Variants in CERS2 observed in about 807,000 individuals in gnomAD.
CERS2 encodes the protein LAG1 homolog, ceramide synthase 2.
Under a neutral mutation model 56.6 loss-of-function variants are expected in CERS2, and 20 were observed. The observed-to-expected ratio is 0.35, with a 90% confidence interval of 0.25 to 0.51. CERS2 has a LOEUF of 0.51. Among genes scored for constraint, CERS2 ranks in the 20% least tolerant of loss-of-function variants. The pLI, the probability that CERS2 is intolerant of heterozygous loss-of-function variation, is 0.96. For missense variants in CERS2, 361 were observed against 488.6 expected (o/e 0.74, Z 2.46); for synonymous variants, 187 against 175.4 (o/e 1.07, Z -0.52).
rs1671092436 is a variant in CERS2, at chr1:150,968,583, ACCCTGG to A, written c.174-77_174-72del. ...AAGGGCTGCAAGCTAAGGCAACTTT[ACCCTGG>A]CCTCAGTTTCCCCAGCTTCCTGGCA... is the stretch of plus-strand genomic sequence containing the variant. On this transcript the variant is annotated intron_variant, in intron 2 of 10. Coordinates refer to ENST00000368954, the MANE Select transcript of CERS2 (RefSeq NM_022075.5). 20 of 1,235,998 alleles carry A rather than the reference ACCCTGG, an allele frequency of 1.6e-5. No homozygotes were observed. The South Asian group carries it at 2.3e-4, about 14-fold the overall frequency. 76.6% of individuals were successfully genotyped at this position (1,235,998 alleles called of 1,614,324 possible). A position where few individuals can be genotyped will look rare whatever the true frequency, so the allele number is the denominator to read the frequency against.
chr1:150,970,931 A>G (rs587696766), intron 1 of CERS2, among the ~76,000 whole-genome samples: 48 of 152,320 alleles, frequency 3.2e-4, no homozygotes, highest in Non-Finnish European at 5.9e-4. Context: ...CCCCCAACTG[A>G]AAGACGAACA....
chr1:150,967,001 C>A, intron 8 of CERS2, 73 bp downstream of exon 8: 20 of 1,576,928 alleles, frequency 1.3e-5, no homozygotes, highest in Middle Eastern at 1.8e-4. Flanking sequence ...TCCCACCCCG[C>A]ACCTCCCTCC....
intron 1 of CERS2, among the ~76,000 whole-genome samples, chr1:150,972,369 A>G (rs1215329231): frequency 6.6e-6 from 1 of 152,088 alleles, no homozygotes; most frequent in Non-Finnish European, 1.5e-5. Flanking sequence ...ACATGAAGAG[A>G]GGGGAGGACA....
chr1:150,966,070 A>G lies in CERS2; in HGVS notation c.*78T>C. On this transcript the variant is annotated 3_prime_UTR_variant, in exon 11 of 11. Coordinates refer to ENST00000368954, the MANE Select transcript of CERS2 (RefSeq NM_022075.5). ...ACTTTCTCCTTTTTCCCCAGAGCTT[A>G]AAGTGACCCTATAGCGCAGGGAGCG... The G allele has an allele frequency of 7.2e-7, 1 of 1,393,736 alleles. No individual in the cohort carries two copies. Among genetic ancestry groups the G allele is most frequent in the Non-Finnish European group, 9.8e-7 (1 of 1,025,280 alleles). The allele number at this position is 1,393,736 out of a possible 1,614,324, so 86.3% of individuals were successfully genotyped here.
At chr1:150,967,507 G>A (rs1198670499) in intron 6 of CERS2, 23 bp from the exon 7 acceptor site, 11 of 1,492,304 alleles carry the variant, frequency 7.4e-6, no homozygotes, top group Non-Finnish European at 9.4e-6. Flanking sequence ...AGAGAGGTAA[G>A]AGCAACCAGC....
chr1:150,971,467 G>A (rs946958702), intron 1 of CERS2, among the ~76,000 whole-genome samples: 15 of 151,476 alleles, frequency 9.9e-5, no homozygotes, highest in Non-Finnish European at 1.3e-4. Flanking sequence ...CTGCTCTCTC[G>A]GATGAAATCA....
chr1:150,970,535 A>C (rs1190362050), intron 1 of CERS2, among the ~76,000 whole-genome samples: 1 of 152,148 alleles, frequency 6.6e-6, no homozygotes, highest in East Asian at 1.9e-4. Flanking sequence ...CTGTCACCCA[A>C]GCTGGAGTGC....
chr1:150,968,367 C>T, intron 3 of CERS2, 28 bp downstream of exon 3: 1 of 1,578,404 alleles, frequency 6.3e-7, no homozygotes, highest in South Asian at 1.1e-5. Flanking sequence ...CAGTGATTCC[C>T]AGAGCCAGAG....
chr1:150,970,494 CTTTTA>C (rs964372229), intron 1 of CERS2, among the ~76,000 whole-genome samples: 1 of 151,992 alleles, frequency 6.6e-6, no homozygotes, highest in Non-Finnish European at 1.5e-5. Flanking sequence ...AAGAGCTATT[CTTTTA>C]TTTTCTTTTG....
At chr1:150,967,020 AC>A in intron 8 of CERS2, 53 bp downstream of exon 8, 2 of 1,604,958 alleles carry the variant, frequency 1.2e-6, no homozygotes, top group Non-Finnish European at 1.7e-6. Flanking sequence ...CCCAAAGAAA[AC>A]CAAAGGGACA....
At chr1:150,967,607 G>A (rs771377355) in intron 6 of CERS2, 57 bp downstream of exon 6, 49 of 1,512,494 alleles carry the variant, frequency 3.2e-5, no homozygotes, top group Admixed American at 8.4e-5. Flanking sequence ...TCCACAAACC[G>A]TCTCTTCACT....
Position 150,965,470 on chromosome 1 carries a change from G to A in CERS2, c.*678C>T, listed in dbSNP as rs1395126864. ...TAGCCTAGCTGAAGAGAAGAGGGAA[G>A]GGGGAAGAGGCCAGAGAAAGGAGGA... On this transcript the variant is annotated 3_prime_UTR_variant, in exon 11 of 11. Coordinates refer to ENST00000368954, the MANE Select transcript of CERS2 (RefSeq NM_022075.5). The A allele has an allele frequency of 7.2e-6, 1 of 138,914 alleles. No homozygotes were observed. Among genetic ancestry groups the A allele is most frequent in the Non-Finnish European group, 1.6e-5 (1 of 62,746 alleles). 8.6% of individuals were successfully genotyped at this position (138,914 alleles called of 1,614,324 possible).
At chr1:150,968,572 AAG>A (rs1321242094) in intron 2 of CERS2, 60 bp from the exon 3 acceptor site, 2 of 1,345,724 alleles carry the variant, frequency 1.5e-6, no homozygotes, top group East Asian at 2.3e-5. Flanking sequence ...GCTGCAAGCT[AAG>A]GCAACTTTAC....
rs12033760 is a variant in CERS2, at chr1:150,970,904, C to T, written c.-1-1813G>A. The stretch of plus-strand genomic sequence containing the variant: ...ATACCCTCTCAGTCTAGGAAAGAGC[C>T]GCTATGTAAACCTCCTCCCCCAACT... On this transcript the variant is annotated intron_variant, in intron 1 of 10. Transcript: ENST00000368954. Among the ~76,000 whole-genome samples the T allele has an allele frequency of 4.5e-3, 685 of 152,274 alleles. 48 individuals are homozygous for T. In the East Asian group the frequency reaches 0.13, roughly 28 times the overall value.
At chr1:150,966,386 A>C in intron 10 of CERS2, 90 bp downstream of exon 10, 2 of 1,599,274 alleles carry the variant, frequency 1.3e-6, no homozygotes, top group Non-Finnish European at 8.5e-7. Flanking sequence ...CCAGGGCTCC[A>C]CACTAGTTTT....
Position 150,966,098 on chromosome 1 carries a change from G to A in CERS2, c.*50C>T, listed in dbSNP as rs766147664. ...GTGACCCTATAGCGCAGGGAGCGGG[G>A]TAGTTCCTTGGCTTTATGCATTAAT... is the stretch of plus-strand genomic sequence containing the variant. On this transcript the variant is annotated 3_prime_UTR_variant, in exon 11 of 11. Coordinates refer to ENST00000368954, the MANE Select transcript of CERS2 (RefSeq NM_022075.5). 1.3e-6 allele frequency: 2 copies of A among 1,574,574 alleles called. No individual in the cohort carries two copies. Among genetic ancestry groups the A allele is most frequent in the East Asian group, 4.5e-5 (2 of 44,660 alleles).
Position 150,968,934 on chromosome 1 carries a change from G to A in CERS2, c.157C>T (p.Arg53Ter). The change falls in exon 2 of 11, where the codon CGA becomes TGA. Residue 53 changes from arginine (R) to a stop codon, truncating the protein, a stop_gained. Transcript: ENST00000368954. LOFTEE classifies it high-confidence loss of function. ...CATGCTTACAGCTCAAAGAAGTATC[G>A]AACGATGAGGAAGAGCAAGGCCAGG... ...LPLALLFLIVRYFFELYVATP... is the reference protein window; with the variant it reads ...LPLALLFLIV 1.2e-6 allele frequency: 2 copies of A among 1,613,408 alleles called. No individual in the cohort carries two copies. The highest frequency in any genetic ancestry group is 1.3e-5 in the African/African-American group (1 of 75,016).
At position 150,966,095 on chromosome 1, in the gene CERS2, G is replaced by C. The variant is rs8444; in HGVS notation, c.*53C>G. ...AAAGTGACCCTATAGCGCAGGGAGC[G>C]GGGTAGTTCCTTGGCTTTATGCATT... On this transcript the variant is annotated 3_prime_UTR_variant, in exon 11 of 11. Coordinates refer to ENST00000368954, the MANE Select transcript of CERS2 (RefSeq NM_022075.5). The C allele has an allele frequency of 3.2e-6, 5 of 1,554,384 alleles. No individual in the cohort carries two copies. The highest frequency in any genetic ancestry group is 4.4e-6 in the Non-Finnish European group (5 of 1,140,236).
chr1:150,966,460 G>A lies in CERS2; in HGVS notation c.1002+16C>T, dbSNP rs1558031541. The stretch of plus-strand genomic sequence containing the variant: ...TAGAGAGTAGTAAGGCCTACACAAT[G>A]GGAACAGGGCTTCACCTTTCCAGTT... On this transcript the variant is annotated intron_variant, in intron 10 of 10. Transcript: ENST00000368954. 2 of 1,613,880 alleles carry A rather than the reference G, an allele frequency of 1.2e-6. No individual in the cohort carries two copies. The highest frequency in any genetic ancestry group is 8.5e-7 in the Non-Finnish European group (1 of 1,179,928).
Sources: allele counts gnomAD v4.1 joint callset (sites outside exome capture counted in the v4.1 genomes callset), GRCh38; gene constraint gnomAD v4.1.1; transcripts MANE v1.5; gene names NCBI Gene and HGNC (gene_info 2026-07-23, HGNC 2026-07-21).